The following ADGRA3 variants were observed in gnomAD, a reference collection of about 807,000 sequenced individuals.
The protein encoded by ADGRA3 is adhesion G protein-coupled receptor A3, also known as G-protein coupled receptor 125.
In ADGRA3, 56 loss-of-function variants were observed where a neutral mutation model predicts 119.8. The ratio of observed to expected loss-of-function variants is 0.47; its 90% CI spans 0.38 to 0.58. The LOEUF is 0.58. Among genes scored for constraint, ADGRA3 ranks in the 20% least tolerant of loss-of-function variants. ADGRA3 has a pLI of 0.00. For missense variants in ADGRA3, 1,516 were observed against 1,649.0 expected, an observed-to-expected ratio of 0.92 and a Z score of 1.40; for synonymous variants, 607 against 623.8, an observed-to-expected ratio of 0.97 and a Z score of 0.40.
rs1715629513 is a variant in ADGRA3, at chr4:22,420,776, T to C, written c.1809+110A>G. The C allele has an allele frequency of 2.9e-6, 3 of 1,036,774 alleles. No homozygotes were observed. The East Asian group carries it at 7.1e-5, about 25-fold the overall frequency. 64.2% of individuals were successfully genotyped at this position (1,036,774 alleles called of 1,614,324 possible). On this transcript the variant is annotated intron_variant, in intron 12 of 18. Coordinates refer to ENST00000334304, the MANE Select transcript of ADGRA3 (RefSeq NM_145290.4). ...ACAGTAGCAAAAGCAATAATACCTA[T>C]CTTCCTGCAAAAAAAAAATCTTTTA...
intron 3 of ADGRA3, among the ~76,000 whole-genome samples, chr4:22,455,194 CA>C (rs1717196396): frequency 6.6e-6 from 1 of 152,142 alleles, no homozygotes; most frequent in African/African-American, 2.4e-5. Flanking sequence ...CTTACTCTTG[CA>C]AAATTACTCA....
chr4:22,498,827 T>C (rs1446352506), intron 1 of ADGRA3, among the ~76,000 whole-genome samples: 5 of 151,928 alleles, frequency 3.3e-5, no homozygotes, highest in Non-Finnish European at 5.9e-5. Flanking sequence ...GGCAGGAGAA[T>C]TGCTTGAACC....
At chr4:22,504,224 G>A (rs1261667094) in intron 1 of ADGRA3, among the ~76,000 whole-genome samples, 1 of 149,518 alleles carries the variant, frequency 6.7e-6, no homozygotes, top group African/African-American at 2.4e-5. Flanking sequence ...ACTTCAGAAG[G>A]CAAAATAGGG....
At chr4:22,420,160 A>T (rs1715592617) in intron 12 of ADGRA3, 1 of 152,280 alleles carries the variant, frequency 6.6e-6, no homozygotes, top group South Asian at 2.1e-4. Context: ...TTATTGAGGG[A>T]CAAGACAGAA....
intron 13 of ADGRA3, 89 bp downstream of exon 13, chr4:22,413,512 G>A: frequency 7.1e-7 from 1 of 1,416,676 alleles, no homozygotes; most frequent in Admixed American, 1.7e-5. Flanking sequence ...ATTAAAACGA[G>A]AAAACACTAA....
chr4:22,495,991 T>C (rs1021935427), intron 1 of ADGRA3, among the ~76,000 whole-genome samples: 1 of 152,104 alleles, frequency 6.6e-6, no homozygotes, highest in Non-Finnish European at 1.5e-5. Context: ...ACTAATAATA[T>C]AATTGATTTA....
At chr4:22,481,719 T>C (rs979466903) in intron 1 of ADGRA3, among the ~76,000 whole-genome samples, 1 of 152,208 alleles carries the variant, frequency 6.6e-6, no homozygotes, top group African/African-American at 2.4e-5. Context: ...ATATTGAGGA[T>C]GTGCTAGGAC....
At chr4:22,405,126 C>G (rs1489200390) in intron 14 of ADGRA3, among the ~76,000 whole-genome samples, 1 of 152,120 alleles carries the variant, frequency 6.6e-6, no homozygotes, top group Non-Finnish European at 1.5e-5. Flanking sequence ...AAGTGCATCC[C>G]ATAGCCCTTG....
At chr4:22,492,215 G>A (rs988294004) in intron 1 of ADGRA3, among the ~76,000 whole-genome samples, 23 of 151,990 alleles carry the variant, frequency 1.5e-4, no homozygotes, top group Admixed American at 2.6e-4. Flanking sequence ...CCCAACCAGC[G>A]CTTCGTCTCC....
intron 6 of ADGRA3, among the ~76,000 whole-genome samples, chr4:22,444,170 C>A (rs1315298093): frequency 6.6e-6 from 1 of 152,134 alleles, no homozygotes; most frequent in African/African-American, 2.4e-5. Flanking sequence ...TTAAACCAAT[C>A]CCCTATTTTT....
intron 2 of ADGRA3, among the ~76,000 whole-genome samples, chr4:22,471,477 C>A (rs1183641829): frequency 1.3e-5 from 2 of 152,098 alleles, no homozygotes; most frequent in African/African-American, 4.8e-5. Flanking sequence ...GAGCCCAGCC[C>A]TTTCATCACT....
chr4:22,398,786 G>A (rs1483927421), intron 16 of ADGRA3, among the ~76,000 whole-genome samples: 1 of 152,136 alleles, frequency 6.6e-6, no homozygotes, highest in Non-Finnish European at 1.5e-5. Context: ...CACTCTCTCT[G>A]TGCTGGGCAT....
chr4:22,469,066 G>T (rs1717766440), intron 2 of ADGRA3, among the ~76,000 whole-genome samples: 1 of 151,842 alleles, frequency 6.6e-6, no homozygotes, highest in African/African-American at 2.4e-5. Flanking sequence ...GAAAAAAAAA[G>T]ACCCCTTGGT....
At chr4:22,451,360 C>T (rs1717034430) in intron 4 of ADGRA3, among the ~76,000 whole-genome samples, 1 of 152,032 alleles carries the variant, frequency 6.6e-6, no homozygotes, top group African/African-American at 2.4e-5. Flanking sequence ...AATTAACTTC[C>T]TAAGTGAAGG....
At chr4:22,412,994 T>C (rs996438227) in intron 14 of ADGRA3, among the ~76,000 whole-genome samples, 188 bp downstream of exon 14, 7 of 151,598 alleles carry the variant, frequency 4.6e-5, no homozygotes, top group Non-Finnish European at 7.4e-5. Context: ...TTTCACTTGG[T>C]AGTAACTTAA....
chr4:22,423,986 GTTATAAC>G (rs1228881046), intron 11 of ADGRA3, among the ~76,000 whole-genome samples, 198 bp downstream of exon 11: 2 of 151,956 alleles, frequency 1.3e-5, no homozygotes, highest in East Asian at 3.9e-4. Context: ...CTTATAAAAT[GTTATAAC>G]TTATAAAATG....
intron 2 of ADGRA3, among the ~76,000 whole-genome samples, chr4:22,463,473 G>C (rs1717548289): frequency 6.6e-6 from 1 of 152,134 alleles, no homozygotes; most frequent in Admixed American, 6.5e-5. Flanking sequence ...TTATTTAGAG[G>C]AAAATCCTCA....
At chr4:22,436,720 T>G in intron 8 of ADGRA3, 79 bp from the exon 9 acceptor site, 1 of 1,266,520 alleles carries the variant, frequency 7.9e-7, no homozygotes, top group Non-Finnish European at 1.1e-6. Flanking sequence ...GAGAAAAAAA[T>G]CAAAGATGAA....
intron 12 of ADGRA3, among the ~76,000 whole-genome samples, chr4:22,416,693 C>G (rs528711565): frequency 6.6e-6 from 1 of 152,186 alleles, no homozygotes; most frequent in South Asian, 2.1e-4. Context: ...TAATCTAGAA[C>G]GTCATCATGT....
Sources: gnomAD v4.1 joint callset for allele counts (sites outside exome capture counted in the v4.1 genomes callset) on GRCh38, gnomAD v4.1.1 for gene constraint, MANE v1.5 for transcripts, NCBI Gene and HGNC (gene_info 2026-07-23, HGNC 2026-07-21) for gene names.